The following MARK1 variants were observed in gnomAD, a reference collection of about 807,000 sequenced individuals.
The protein encoded by MARK1 is microtubule affinity regulating kinase 1, also known as serine/threonine-protein kinase MARK1.
A neutral mutation model predicts 96.3 loss-of-function variants in MARK1; 40 were observed. The ratio of observed to expected loss-of-function variants is 0.42; its 90% CI spans 0.32 to 0.54. MARK1 has a LOEUF of 0.54. Ranked by LOEUF, MARK1 falls within the 20% of genes least tolerant of loss-of-function variation. MARK1 has a pLI of 0.16. For missense variants in MARK1, 719 were observed against 984.6 expected (o/e 0.73, Z 3.61); for synonymous variants, 317 against 341.2 (o/e 0.93, Z 0.78).
intron 13 of MARK1, among the ~76,000 whole-genome samples, chr1:220,648,759 T>C (rs997672537): frequency 1.3e-5 from 2 of 152,224 alleles, no homozygotes; most frequent in African/African-American, 4.8e-5. Context: ...CAAATATTTT[T>C]ATATTGGTAC....
At chr1:220,572,791 C>T (rs1194333312) in intron 1 of MARK1, among the ~76,000 whole-genome samples, 2 of 152,074 alleles carry the variant, frequency 1.3e-5, no homozygotes, top group Admixed American at 6.6e-5. Context: ...TCATTTTACC[C>T]TCTATTGTTA....
intron 9 of MARK1, among the ~76,000 whole-genome samples, chr1:220,623,723 C>A (rs1014324252): frequency 6.6e-6 from 1 of 152,086 alleles, no homozygotes; most frequent in Non-Finnish European, 1.5e-5. Context: ...CTTCTGTGTC[C>A]ACCTATTGTA....
intron 1 of MARK1, among the ~76,000 whole-genome samples, chr1:220,560,557 A>G (rs532864145): frequency 9.8e-5 from 15 of 152,320 alleles, no homozygotes; most frequent in African/African-American, 3.4e-4. Context: ...ACTCAAACAT[A>G]AAAGCACTGT....
intron 7 of MARK1, among the ~76,000 whole-genome samples, chr1:220,617,446 T>G (rs907470503): frequency 1.3e-5 from 2 of 152,196 alleles, no homozygotes; most frequent in African/African-American, 4.8e-5. Context: ...CAAATTTTAT[T>G]TCTTTTTGGA....
chr1:220,570,469 C>G (rs999102744), intron 1 of MARK1, among the ~76,000 whole-genome samples: 1 of 152,066 alleles, frequency 6.6e-6, no homozygotes. Flanking sequence ...ATATCTAATA[C>G]TACTGCTTTG....
At chr1:220,615,809 A>G in intron 6 of MARK1, 130 bp from the exon 7 acceptor site, 6 of 564,260 alleles carry the variant, frequency 1.1e-5, no homozygotes, top group Non-Finnish European at 1.6e-5. Context: ...TTTCTGAACT[A>G]AAAGCATTGC....
chr1:220,589,709 T>G (rs1232058139), intron 3 of MARK1, among the ~76,000 whole-genome samples: 3 of 152,178 alleles, frequency 2.0e-5, no homozygotes, highest in African/African-American at 7.2e-5. Context: ...ACAGTAAATT[T>G]GAAGGGGAAT....
chr1:220,542,306 C>A (rs1661200446), intron 1 of MARK1, among the ~76,000 whole-genome samples: 1 of 152,060 alleles, frequency 6.6e-6, no homozygotes, highest in Non-Finnish European at 1.5e-5. Flanking sequence ...TCTGGTAATT[C>A]CATTATCTGA....
chr1:220,651,995 G>A lies in MARK1; in HGVS notation c.1581G>A (p.Glu527=), dbSNP rs975891786. The A allele has an allele frequency of 1.3e-6, 2 of 1,594,784 alleles. No homozygotes were observed. Among genetic ancestry groups the A allele is most frequent in the African/African-American group, 2.7e-5 (2 of 74,612 alleles). The change falls in exon 15 of 18, where the codon GAG becomes GAA. Residue 527 remains glutamate (E), a synonymous_variant. Coordinates refer to ENST00000366917, the MANE Select transcript of MARK1 (RefSeq NM_018650.5). Reference sequence around the variant, plus strand: ...TGCTTTATGGTGAAAGCCTTACGGAGATGTCTGTGAGTAGCATATCTTCTG... The same window carrying A: ...TGCTTTATGGTGAAAGCCTTACGGAAATGTCTGTGAGTAGCATATCTTCTG... ...LQNGKDSSLT[E]MSVSSISSAG...
Position 220,654,328 on chromosome 1 carries a change from A to C in MARK1, c.1988+976A>C, listed in dbSNP as rs1669055058. On this transcript the variant is annotated intron_variant, in intron 16 of 17. Transcript: ENST00000366917. This position sits in a 1 kb window ranked among gnomAD's most constrained non-coding sequence, Gnocchi z 4.0. ...TTTAAGAAATACTAATTAAATACTTAGTTTCCAATGTTATTAGTGTTTCTA... is the reference window on the plus strand; with the variant it reads ...TTTAAGAAATACTAATTAAATACTTCGTTTCCAATGTTATTAGTGTTTCTA... 6.6e-6 allele frequency among the ~76,000 whole-genome samples: 1 copy of C among 152,238 alleles called. No individual in the cohort carries two copies. The highest frequency in any genetic ancestry group is 6.5e-5 in the Admixed American group (1 of 15,282).
chr1:220,580,356 CAA>C, intron 2 of MARK1, among the ~76,000 whole-genome samples: 1 of 151,700 alleles, frequency 6.6e-6, no homozygotes, highest in South Asian at 2.1e-4. Flanking sequence ...TGGTGGTGTG[CAA>C]CTGTAGCTAC....
chr1:220,541,785 G>C, intron 1 of MARK1, among the ~76,000 whole-genome samples: 1 of 152,152 alleles, frequency 6.6e-6, no homozygotes, highest in East Asian at 1.9e-4. Flanking sequence ...TAAATCTAAA[G>C]TGAATCTCTT....
chr1:220,547,076 C>T (rs962393617), intron 1 of MARK1, among the ~76,000 whole-genome samples: 5 of 152,084 alleles, frequency 3.3e-5, no homozygotes, highest in Non-Finnish European at 5.9e-5. Context: ...AATCACTAAC[C>T]TTTCTTTCTT....
chr1:220,627,606 G>A (rs1457545583), intron 9 of MARK1: 1 of 254,826 alleles, frequency 3.9e-6, no homozygotes, highest in Non-Finnish European at 7.7e-6. Context: ...TGAGCCCAGG[G>A]CAGCTATGCT....
intron 3 of MARK1, among the ~76,000 whole-genome samples, chr1:220,596,777 A>G (rs553560078): frequency 1.3e-5 from 2 of 152,200 alleles, no homozygotes; most frequent in East Asian, 1.9e-4. Context: ...GTGCATTTAC[A>G]TTGTTGTTCA....
At chr1:220,600,160 A>G (rs1050053267) in intron 5 of MARK1, among the ~76,000 whole-genome samples, 2 of 152,132 alleles carry the variant, frequency 1.3e-5, no homozygotes, top group African/African-American at 4.8e-5. Flanking sequence ...TTACTATATC[A>G]TATCATGATT....
At chr1:220,647,787 G>T (rs1668660766) in intron 13 of MARK1, among the ~76,000 whole-genome samples, 1 of 152,178 alleles carries the variant, frequency 6.6e-6, no homozygotes, top group South Asian at 2.1e-4. Flanking sequence ...GCAAACTAAT[G>T]CAGGAACAGA....
chr1:220,567,317 A>T (rs1250700695), intron 1 of MARK1, among the ~76,000 whole-genome samples: 5 of 152,158 alleles, frequency 3.3e-5, no homozygotes, highest in African/African-American at 1.2e-4. Context: ...GTGTAATTTC[A>T]CATTCATATG....
Position 220,579,490 on chromosome 1 carries a change from A to G in MARK1, c.188A>G (p.Gln63Arg), listed in dbSNP as rs990000965. The change falls in exon 2 of 18, where the codon CAA becomes CGA. Residue 63 changes from glutamine to arginine, a missense_variant. This residue lies in a region of MARK1 where 105 missense variants were observed against 133.4 expected (regional missense o/e 0.79). Coordinates refer to ENST00000366917, the MANE Select transcript of MARK1 (RefSeq NM_018650.5). ...EQPHIGNYRL[Q>R]KTIGKGNFAK... ...CCTCACATTGGAAATTACCGTTTAC[A>G]AAAAACAATAGGGAAGGGAAATTTT... The G allele has an allele frequency of 6.2e-7, 1 of 1,614,126 alleles. No homozygotes were observed.
Sources: allele counts gnomAD v4.1 joint callset (sites outside exome capture counted in the v4.1 genomes callset), GRCh38; gene constraint gnomAD v4.1.1; regional missense constraint gnomAD v4.1.1; non-coding constraint Gnocchi (gnomAD v3.1); transcripts MANE v1.5; gene names NCBI Gene and HGNC (gene_info 2026-07-23, HGNC 2026-07-21).